The following AGBL4 variants were observed in gnomAD, a reference collection of about 807,000 sequenced individuals.
AGBL4 encodes the protein AGBL carboxypeptidase 4.
AGBL4 carries 58 observed loss-of-function variants against 66.4 expected under a neutral mutation model. That is an observed-to-expected ratio of 0.87 (90% CI 0.71 to 1.09). The LOEUF (loss-of-function observed/expected upper bound fraction) is 1.09, where lower values mean the gene tolerates loss of function less well. Ranked by LOEUF, AGBL4 falls within the 50% of genes least tolerant of loss-of-function variation. The probability of loss-of-function intolerance (pLI) is 0.00; values close to 1 mark genes in which losing one functional copy is unlikely to be tolerated. For synonymous variants in AGBL4, 234 were observed against 222.9 expected (o/e 1.05, Z -0.44); for missense variants, 579 against 631.0 (o/e 0.92, Z 0.88).
chr1:49,626,159 T>C (rs1645459564), intron 3 of AGBL4, among the ~76,000 whole-genome samples: 1 of 152,282 alleles, frequency 6.6e-6, no homozygotes, highest in Admixed American at 6.5e-5. Context: ...GCCTCTTATG[T>C]ATTGTACATA....
chr1:49,455,884 A>C (rs1646377948), intron 3 of AGBL4, among the ~76,000 whole-genome samples: 1 of 151,678 alleles, frequency 6.6e-6, no homozygotes, highest in Non-Finnish European at 1.5e-5. Context: ...TACTCTCTGC[A>C]TACATTCTTT....
intron 4 of AGBL4, among the ~76,000 whole-genome samples, chr1:49,130,142 C>T (rs12059108): frequency 0.1 from 15,445 of 152,092 alleles, 1,279 homozygotes; most frequent in African/African-American, 0.22. Flanking sequence ...ATGTCCTTTG[C>T]CCACTTTTTG....
intron 5 of AGBL4, among the ~76,000 whole-genome samples, chr1:48,943,716 A>T (rs1376660528): frequency 6.6e-6 from 1 of 152,108 alleles, no homozygotes; most frequent in Non-Finnish European, 1.5e-5. Context: ...TTATAATTGG[A>T]ATGAAGAGGG....
chr1:49,638,631 CT>C (rs1455160930), intron 3 of AGBL4, among the ~76,000 whole-genome samples: 1 of 152,100 alleles, frequency 6.6e-6, no homozygotes, highest in Non-Finnish European at 1.5e-5. Context: ...GAGAATAAGT[CT>C]TACAAGATCT....
intron 6 of AGBL4, among the ~76,000 whole-genome samples, chr1:48,837,185 A>G (rs547882775): frequency 1.2e-4 from 18 of 151,980 alleles, no homozygotes; most frequent in African/African-American, 1.7e-4. Flanking sequence ...AATAGTCAGA[A>G]AATATTTTTG....
intron 2 of AGBL4, among the ~76,000 whole-genome samples, chr1:49,824,133 C>G (rs576829082): frequency 6.6e-6 from 1 of 152,018 alleles, no homozygotes; most frequent in Non-Finnish European, 1.5e-5. Context: ...CGCTTGAACC[C>G]GGGAGGCAGA....
At chr1:49,877,643 G>A (rs1214957810) in intron 1 of AGBL4, among the ~76,000 whole-genome samples, 5 of 152,018 alleles carry the variant, frequency 3.3e-5, no homozygotes, top group African/African-American at 7.3e-5. Context: ...GTCTCTGCCC[G>A]ACTTTGGTAT....
At chr1:49,060,670 G>T (rs779905813) in intron 4 of AGBL4, among the ~76,000 whole-genome samples, 1 of 152,126 alleles carries the variant, frequency 6.6e-6, no homozygotes, top group Non-Finnish European at 1.5e-5. Flanking sequence ...ACTGAGTGGG[G>T]TAATACAGGC....
intron 3 of AGBL4, among the ~76,000 whole-genome samples, chr1:49,558,074 A>C (rs1643946153): frequency 6.6e-6 from 1 of 151,848 alleles, no homozygotes; most frequent in Non-Finnish European, 1.5e-5. Context: ...CAGTCCTAGC[A>C]TTTGTTACCT....
chr1:48,732,372 T>C (rs963037369), intron 6 of AGBL4, among the ~76,000 whole-genome samples: 1 of 152,340 alleles, frequency 6.6e-6, no homozygotes. Context: ...TCATCATTCA[T>C]TGAATCAACA....
chr1:49,262,265 C>T (rs971040346), intron 3 of AGBL4, among the ~76,000 whole-genome samples: 1 of 152,046 alleles, frequency 6.6e-6, no homozygotes, highest in Non-Finnish European at 1.5e-5. Flanking sequence ...GACTTCATGT[C>T]TAAAACACTT....
chr1:49,775,190 G>A (rs558842568), intron 2 of AGBL4, among the ~76,000 whole-genome samples: 193 of 152,238 alleles, frequency 1.3e-3, no homozygotes, highest in African/African-American at 4.4e-3. Flanking sequence ...ACAGTCCCAA[G>A]TTTTAATCCA....
intron 1 of AGBL4, among the ~76,000 whole-genome samples, chr1:49,864,529 T>C (rs1279570667): frequency 6.6e-6 from 1 of 151,496 alleles, no homozygotes; most frequent in East Asian, 1.9e-4. Context: ...CCATGAAGAG[T>C]GAGGAAAAGC....
intron 3 of AGBL4, among the ~76,000 whole-genome samples, chr1:49,397,589 GTATT>G (rs372800673): frequency 5.9e-5 from 9 of 152,206 alleles, no homozygotes; most frequent in African/African-American, 2.2e-4. Flanking sequence ...AATCAGAAGA[GTATT>G]TAGGTAAAAA....
intron 4 of AGBL4, among the ~76,000 whole-genome samples, chr1:49,113,216 C>T (rs1645448370): frequency 6.6e-6 from 1 of 152,022 alleles, no homozygotes; most frequent in African/African-American, 2.4e-5. Context: ...TCCCAAAGTT[C>T]TGGGATTACA....
chr1:48,643,160 A>G (rs1190086490), intron 8 of AGBL4, among the ~76,000 whole-genome samples: 1 of 152,154 alleles, frequency 6.6e-6, no homozygotes, highest in Non-Finnish European at 1.5e-5. Flanking sequence ...ATCCTTCACA[A>G]TCTGGTCCCC....
At chr1:49,611,179 C>T (rs1476725953) in intron 3 of AGBL4, among the ~76,000 whole-genome samples, 10 of 152,114 alleles carry the variant, frequency 6.6e-5, no homozygotes, top group African/African-American at 1.4e-4. Context: ...ACCCTGTTAT[C>T]TCCTCCTAGT....
intron 5 of AGBL4, among the ~76,000 whole-genome samples, chr1:48,990,204 C>A (rs1287623089): frequency 6.6e-6 from 1 of 152,024 alleles, no homozygotes; most frequent in African/African-American, 2.4e-5. Context: ...CTAGTCAAAT[C>A]TTTTGCTTAT....
chr1:49,366,353 C>A (rs535449822), intron 3 of AGBL4, among the ~76,000 whole-genome samples: 1 of 152,194 alleles, frequency 6.6e-6, no homozygotes, highest in East Asian at 1.9e-4. Context: ...TTGTACCTGG[C>A]ACAATGCCTT....
Sources: gnomAD v4.1 joint callset for allele counts (sites outside exome capture counted in the v4.1 genomes callset) on GRCh38, gnomAD v4.1.1 for gene constraint, MANE v1.5 for transcripts, NCBI Gene and HGNC (gene_info 2026-07-23, HGNC 2026-07-21) for gene names.